Variants in CTNNA2 observed in about 807,000 individuals in gnomAD.
CTNNA2 encodes the protein catenin alpha 2, also known as catenin alpha-2.
Under a neutral mutation model 101.0 loss-of-function variants are expected in CTNNA2, and 42 were observed. The observed-to-expected ratio is 0.42, with a 90% CI of 0.32 to 0.54. CTNNA2 has a LOEUF of 0.54. Ranked by LOEUF, CTNNA2 falls within the 20% of genes least tolerant of loss-of-function variation. The probability of loss-of-function intolerance (pLI) is 0.14; values close to 1 mark genes in which losing one functional copy is unlikely to be tolerated. For synonymous variants in CTNNA2, 450 were observed against 456.4 expected (o/e 0.99, Z 0.18); for missense variants, 871 against 1,223.1 (o/e 0.71, Z 4.29).
rs116189025 is a variant in CTNNA2, at chr2:80,084,997, G to T, written c.1056+175200G>T. The stretch of plus-strand genomic sequence containing the variant: ...GTAGTATGTGACTGTTGTGAAAAAC[G>T]TTTGAGGGGTAAGTTGAGGTAAAAT... On this transcript the variant is annotated intron_variant, in intron 7 of 18. Coordinates refer to ENST00000402739, the MANE Select transcript of CTNNA2 (RefSeq NM_001282597.3). 2.8e-3 allele frequency among the ~76,000 whole-genome samples: 426 copies of T among 152,094 alleles called. 1 individual carries two copies. Among genetic ancestry groups the T allele is most frequent in the African/African-American group, 9.9e-3 (409 of 41,518 alleles).
At chr2:79,238,787 A>G (rs909130788) in intron 2 of CTNNA2, among the ~76,000 whole-genome samples, 8 of 152,186 alleles carry the variant, frequency 5.3e-5, no homozygotes, top group Non-Finnish European at 1.0e-4. Flanking sequence ...GTCTTTACAA[A>G]ACCACTGTGA....
At chr2:80,027,452 T>A (rs1315632860) in intron 7 of CTNNA2, among the ~76,000 whole-genome samples, 1 of 152,244 alleles carries the variant, frequency 6.6e-6, no homozygotes, top group East Asian at 1.9e-4. Flanking sequence ...CAGGGAAATG[T>A]TGACATCAGG....
chr2:79,514,544 G>T (rs1170456418), intron 1 of CTNNA2: 1 of 152,158 alleles, frequency 6.6e-6, no homozygotes, highest in Admixed American at 6.5e-5. Flanking sequence ...TCTTCAGCTT[G>T]CATTCTAACC....
chr2:79,673,168 A>C (rs1682960185), intron 2 of CTNNA2, among the ~76,000 whole-genome samples: 1 of 152,098 alleles, frequency 6.6e-6, no homozygotes, highest in Admixed American at 6.5e-5. Flanking sequence ...TATTGATTGA[A>C]TATTTAGTTT....
At chr2:79,851,657 C>T (rs1397155772) in intron 3 of CTNNA2, among the ~76,000 whole-genome samples, 2 of 150,978 alleles carry the variant, frequency 1.3e-5, no homozygotes, top group Non-Finnish European at 3.0e-5. Context: ...GAAAAGGGAA[C>T]AAACTGGTTA....
chr2:79,427,488 ATCTAC>A (rs914733730), intron 4 of CTNNA2, among the ~76,000 whole-genome samples: 3 of 152,076 alleles, frequency 2.0e-5, no homozygotes, highest in Non-Finnish European at 4.4e-5. Context: ...CTTCAAATGA[ATCTAC>A]TCTATTCATG....
At chr2:80,588,234 C>A (rs574981757) in intron 14 of CTNNA2, among the ~76,000 whole-genome samples, 1 of 152,174 alleles carries the variant, frequency 6.6e-6, no homozygotes, top group Non-Finnish European at 1.5e-5. Context: ...CCCGCCTTCT[C>A]GTGCTCGGGG....
chr2:79,376,501 A>G (rs890684640), intron 4 of CTNNA2, among the ~76,000 whole-genome samples: 24 of 138,242 alleles, frequency 1.7e-4, no homozygotes, highest in Non-Finnish European at 1.1e-4. Context: ...TTTTTTTATT[A>G]TACTTTAAGT....
At chr2:80,347,854 T>TTTTTTTC (rs1242336723) in intron 7 of CTNNA2, among the ~76,000 whole-genome samples, 1 of 151,500 alleles carries the variant, frequency 6.6e-6, no homozygotes, top group Admixed American at 6.6e-5. Flanking sequence ...TTTTTTTTTT[T>TTTTTTTC]CCAGAAGGGT....
chr2:79,826,823 C>T (rs796296050), intron 3 of CTNNA2, among the ~76,000 whole-genome samples: 16 of 152,180 alleles, frequency 1.1e-4, no homozygotes, highest in African/African-American at 3.9e-4. Flanking sequence ...ATTGGGACAA[C>T]TTTTCATTTG....
chr2:80,107,915 G>T (rs137937091), intron 7 of CTNNA2, among the ~76,000 whole-genome samples: 1 of 152,160 alleles, frequency 6.6e-6, no homozygotes, highest in African/African-American at 2.4e-5. Context: ...CCCACAAGAG[G>T]TTGAGTGGGG....
chr2:79,769,098 G>T (rs1015235435), intron 3 of CTNNA2, among the ~76,000 whole-genome samples: 1 of 152,032 alleles, frequency 6.6e-6, no homozygotes, highest in African/African-American at 2.4e-5. Context: ...CTCGTGATCC[G>T]CCCGGCTCGG....
At chr2:79,422,513 C>T (rs976929303) in intron 4 of CTNNA2, among the ~76,000 whole-genome samples, 1 of 152,148 alleles carries the variant, frequency 6.6e-6, no homozygotes, top group Non-Finnish European at 1.5e-5. Context: ...AGGGAGCAGT[C>T]TTCCATGGTT....
At chr2:79,595,104 G>A (rs1024773094) in intron 1 of CTNNA2, among the ~76,000 whole-genome samples, 4 of 152,040 alleles carry the variant, frequency 2.6e-5, no homozygotes, top group African/African-American at 9.7e-5. Flanking sequence ...CTCTCTTCTG[G>A]ATTTCACAGT....
chr2:80,207,578 G>A (rs573046467), intron 7 of CTNNA2, among the ~76,000 whole-genome samples: 1 of 152,178 alleles, frequency 6.6e-6, no homozygotes, highest in Non-Finnish European at 1.5e-5. Context: ...AAGGGATAGA[G>A]TTGGCATTGC....
Position 79,286,329 on chromosome 2 carries a change from A to T in CTNNA2, c.-405-26380A>T, listed in dbSNP as rs558457581. The stretch of plus-strand genomic sequence containing the variant: ...AGCTGGTTATTTTGCTCGTTAGTTC[A>T]TGCGGTTTCTTCCTAGTCTTGATGG... On this transcript the variant is annotated intron_variant, in intron 2 of 21. Transcript: ENST00000466387. Among the ~76,000 whole-genome samples, 27 of 152,286 alleles carry T rather than the reference A, an allele frequency of 1.8e-4. 1 individual carries two copies. In the South Asian group the frequency reaches 5.6e-3, roughly 32 times the overall value.
intron 3 of CTNNA2, among the ~76,000 whole-genome samples, chr2:79,340,608 C>T (rs774463344): frequency 2.5e-4 from 38 of 152,066 alleles, no homozygotes; most frequent in South Asian, 6.2e-4. Flanking sequence ...CCAAGGCGGG[C>T]GGATCACGAG....
At chr2:79,636,294 A>AAAAAAAAAAG (rs1680060786) in intron 1 of CTNNA2, among the ~76,000 whole-genome samples, 3 of 131,596 alleles carry the variant, frequency 2.3e-5, no homozygotes, top group African/African-American at 9.1e-5. Flanking sequence ...AAAAAAAAAA[A>AAAAAAAAAAG]AAAAAGGAAG....
intron 7 of CTNNA2, among the ~76,000 whole-genome samples, chr2:80,257,196 T>G (rs1672237861): frequency 6.6e-6 from 1 of 152,072 alleles, no homozygotes; most frequent in South Asian, 2.1e-4. Context: ...CTCCTTCTTA[T>G]TAATTTTGAG....
Sources: allele counts gnomAD v4.1 joint callset (sites outside exome capture counted in the v4.1 genomes callset), GRCh38; gene constraint gnomAD v4.1.1; transcripts MANE v1.5; gene names NCBI Gene and HGNC (gene_info 2026-07-23, HGNC 2026-07-21).